INTS8: variants seen among roughly 807,000 people sequenced by gnomAD.
INTS8 encodes the protein protein kaonashi-1.
In INTS8, 47 loss-of-function variants were observed where a neutral mutation model predicts 138.9. The ratio of observed to expected loss-of-function variants is 0.34; its 90% CI spans 0.27 to 0.43. INTS8 has a LOEUF of 0.43. Among genes scored for constraint, INTS8 ranks in the 20% least tolerant of loss-of-function variants. INTS8 has a pLI of 1.00. For missense variants in INTS8, 996 were observed against 1,173.0 expected, an observed-to-expected ratio of 0.85 and a Z score of 2.20; for synonymous variants, 392 against 400.9, an observed-to-expected ratio of 0.98 and a Z score of 0.27.
chr8:94,844,048 T>A (rs1162272043), intron 10 of INTS8, among the ~76,000 whole-genome samples: 1 of 151,588 alleles, frequency 6.6e-6, no homozygotes, highest in South Asian at 2.1e-4. Flanking sequence ...TATTTTTTTA[T>A]TTTTTGAGAT....
chr8:94,854,813 C>T (rs1279622515), intron 14 of INTS8, among the ~76,000 whole-genome samples: 2 of 152,176 alleles, frequency 1.3e-5, no homozygotes, highest in Non-Finnish European at 2.9e-5. Context: ...CTCACTGCAG[C>T]CTCGACTTCC....
At chr8:94,836,085 G>A (rs1373062398) in intron 6 of INTS8, among the ~76,000 whole-genome samples, 2 of 152,092 alleles carry the variant, frequency 1.3e-5, no homozygotes, top group Non-Finnish European at 2.9e-5. Context: ...GGTGGGTAGC[G>A]GCAACAGCGA....
intron 22 of INTS8, 116 bp downstream of exon 22, chr8:94,873,593 A>G: frequency 1.4e-6 from 1 of 699,328 alleles, no homozygotes; most frequent in East Asian, 2.5e-5. Flanking sequence ...TCCCAGGTTC[A>G]TGGCTCTAGA....
intron 22 of INTS8, among the ~76,000 whole-genome samples, chr8:94,874,021 C>CA (rs1816492267): frequency 6.6e-6 from 1 of 151,916 alleles, no homozygotes; most frequent in Admixed American, 6.6e-5. Flanking sequence ...TACAGTCAAA[C>CA]AAAAAAACAT....
intron 14 of INTS8, among the ~76,000 whole-genome samples, chr8:94,854,908 AT>A (rs35252211): frequency 1.3e-3 from 175 of 135,698 alleles, no homozygotes; most frequent in Middle Eastern, 3.8e-3. Context: ...ATTTGAAAGA[AT>A]TTTTTTTTTT....
Position 94,851,290 on chromosome 8 carries a change from T to C in INTS8, c.1508-263T>C, listed in dbSNP as rs183240432. On this transcript the variant is annotated intron_variant, in intron 12 of 26. Coordinates refer to ENST00000523731, the MANE Select transcript of INTS8 (RefSeq NM_017864.4). ...TCCACATAGTTCTTTGCATGAAATA[T>C]TGATTTTTATCTTGTTTATATTTTC... Among the ~76,000 whole-genome samples the C allele has an allele frequency of 8.2e-4, 125 of 152,320 alleles. 1 individual carries two copies. Among genetic ancestry groups the C allele is most frequent in the Non-Finnish European group, 3.2e-4 (22 of 68,012 alleles).
In INTS8 at chr8:94,847,029, G is replaced by C. The variant is rs149609437; in HGVS notation, c.1261-2433G>C. On this transcript the variant is annotated intron_variant, in intron 10 of 26. Coordinates refer to ENST00000523731, the MANE Select transcript of INTS8 (RefSeq NM_017864.4). Reference sequence around the variant, plus strand: ...TTTTTCTACATTCATGTATGAGATTGATGCACATATTTTTATTTTTTTATT... The same window carrying C: ...TTTTTCTACATTCATGTATGAGATTCATGCACATATTTTTATTTTTTTATT... Among the ~76,000 whole-genome samples the C allele has an allele frequency of 5.6e-3, 848 of 152,156 alleles. 1 individual carries two copies. Among genetic ancestry groups the C allele is most frequent in the Admixed American group, 8.8e-3 (135 of 15,276 alleles).
chr8:94,868,471 C>T (rs1816264276), intron 20 of INTS8, among the ~76,000 whole-genome samples: 1 of 152,130 alleles, frequency 6.6e-6, no homozygotes, highest in African/African-American at 2.4e-5. Flanking sequence ...AGGGTCAGAG[C>T]AGGTGAGTGC....
At chr8:94,876,005 A>T in intron 23 of INTS8, 69 bp from the exon 24 acceptor site, 2 of 956,264 alleles carry the variant, frequency 2.1e-6, no homozygotes, top group Non-Finnish European at 3.4e-6. Flanking sequence ...ATATAAGAGT[A>T]ATTCAAGATT....
intron 18 of INTS8, chr8:94,866,814 G>T (rs1039267554): frequency 1.2e-5 from 3 of 245,972 alleles, no homozygotes; most frequent in Non-Finnish European, 2.3e-5. Flanking sequence ...TTACTTATTG[G>T]ACGTAACCTA....
rs113908747 is a variant in INTS8, at chr8:94,823,634, C to T, written c.130+73C>T. 1.1e-3 allele frequency: 1,333 copies of T among 1,256,898 alleles called. 12 individuals are homozygous for T. In the African/African-American group the frequency reaches 0.017, roughly 16 times the overall value. The allele number at this position is 1,256,898 out of a possible 1,614,324, so 77.9% of individuals were successfully genotyped here. A position where few individuals can be genotyped will look rare whatever the true frequency, so the allele number is the denominator to read the frequency against. ...TGTCCGCCCAGCTTCCCTCCGCTCC[C>T]CGCCTTCTCGGTCACCGAAGCTGCG... On this transcript the variant is annotated intron_variant, in intron 1 of 26. Transcript: ENST00000523731.
At chr8:94,825,100 G>A (rs771672175) in intron 2 of INTS8, 33 bp downstream of exon 2, 30 of 1,411,918 alleles carry the variant, frequency 2.1e-5, no homozygotes, top group Admixed American at 5.4e-5. Flanking sequence ...TTCATTTGAA[G>A]TGCTATTTAG....
intron 2 of INTS8, among the ~76,000 whole-genome samples, chr8:94,825,837 T>TG (rs1035175947): frequency 9.9e-5 from 15 of 152,016 alleles, no homozygotes; most frequent in Non-Finnish European, 2.2e-4. Context: ...AGAGGGGTTT[T>TG]TTTTGACATT....
intron 26 of INTS8, chr8:94,879,862 T>A (rs1816730933): frequency 4.2e-6 from 1 of 237,962 alleles, no homozygotes. Context: ...TAAATTTACA[T>A]GAATTTACTT....
At chr8:94,840,205 C>T (rs1240815255) in intron 8 of INTS8, among the ~76,000 whole-genome samples, 1 of 152,212 alleles carries the variant, frequency 6.6e-6, no homozygotes, top group African/African-American at 2.4e-5. Context: ...GCAGCTGTAA[C>T]AGGTGTGTCT....
At chr8:94,855,021 C>G (rs910784564) in intron 14 of INTS8, among the ~76,000 whole-genome samples, 1 of 151,252 alleles carries the variant, frequency 6.6e-6, no homozygotes, top group Non-Finnish European at 1.5e-5. Context: ...GCTGGCATTA[C>G]AGGCATGAGC....
rs1815688697 is a variant in INTS8 at position 94,854,907 on chromosome 8, A to AT, written c.1752+992_1752+993insT. Among the ~76,000 whole-genome samples the AT allele has an allele frequency of 5.7e-5, 7 of 122,288 alleles. No homozygotes were observed. The South Asian group carries it at 2.1e-3, about 37-fold the overall frequency. 80.2% of individuals were successfully genotyped at this position (122,288 alleles called of 152,430 possible). On this transcript the variant is annotated intron_variant, in intron 14 of 26. Coordinates refer to ENST00000523731, the MANE Select transcript of INTS8 (RefSeq NM_017864.4). ...CCACCATGCCCAGCTTATTTGAAAG[A>AT]ATTTTTTTTTTTTTTTTTTGCAGAG...
chr8:94,834,650 C>T (rs898010152), intron 6 of INTS8, among the ~76,000 whole-genome samples: 5 of 151,296 alleles, frequency 3.3e-5, no homozygotes, highest in Admixed American at 1.3e-4. Flanking sequence ...TTGCAGTGAG[C>T]CGAGATCACC....
chr8:94,831,166 T>C, intron 5 of INTS8, among the ~76,000 whole-genome samples: 1 of 152,036 alleles, frequency 6.6e-6, no homozygotes, highest in Non-Finnish European at 1.5e-5. Flanking sequence ...CAGGCTGGAG[T>C]GCAGTGGCAT....
Sources: allele counts gnomAD v4.1 joint callset (sites outside exome capture counted in the v4.1 genomes callset), GRCh38; gene constraint gnomAD v4.1.1; transcripts MANE v1.5; gene names NCBI Gene and HGNC (gene_info 2026-07-23, HGNC 2026-07-21).